The following TUSC3 variants were observed in gnomAD, a reference collection of about 807,000 sequenced individuals.
TUSC3 encodes the protein tumor suppressor candidate 3.
Under a neutral mutation model 44.8 loss-of-function variants are expected in TUSC3, and 45 were observed. The observed-to-expected ratio is 1.00, with a 90% CI of 0.79 to 1.29. TUSC3 has a LOEUF of 1.29. TUSC3 is among the 50% of genes most tolerant of loss of function. The pLI is 0.00. For missense variants in TUSC3, 519 were observed against 437.9 expected (o/e 1.19, Z -1.65); for synonymous variants, 212 against 152.9 (o/e 1.39, Z -2.85).
the TUSC3 span, among the ~76,000 whole-genome samples, chr8:15,822,171 A>G: frequency 3.3e-5 from 5 of 149,554 alleles, no homozygotes; most frequent in African/African-American, 1.3e-4. Context: ...TGAAATTGAA[A>G]ACGCTACAAA....
intron 6 of TUSC3, among the ~76,000 whole-genome samples, chr8:15,708,280 A>G (rs1388958687): frequency 6.6e-6 from 1 of 151,992 alleles, no homozygotes; most frequent in African/African-American, 2.4e-5. Flanking sequence ...GTGTGGAGGA[A>G]TACTGAGAAA....
the TUSC3 span, chr8:15,806,586 A>G: frequency 6.8e-7 from 1 of 1,470,758 alleles, no homozygotes; most frequent in Non-Finnish European, 9.5e-7. Flanking sequence ...ATACTATCAC[A>G]TGCAAGGATA....
At chr8:15,719,222 CT>C (rs1810194863) in intron 6 of TUSC3, among the ~76,000 whole-genome samples, 1 of 152,086 alleles carries the variant, frequency 6.6e-6, no homozygotes, top group Non-Finnish European at 1.5e-5. Flanking sequence ...CATTGACCCT[CT>C]TACATTTCCT....
chr8:15,678,670 T>C (rs1305414316), intron 6 of TUSC3, among the ~76,000 whole-genome samples: 1 of 152,204 alleles, frequency 6.6e-6, no homozygotes, highest in African/African-American at 2.4e-5. Context: ...TTTAAATTGA[T>C]GGAGTACATG....
chr8:15,810,099 G>A, the TUSC3 span, among the ~76,000 whole-genome samples: 1 of 152,114 alleles, frequency 6.6e-6, no homozygotes, highest in Non-Finnish European at 1.5e-5. Context: ...GGTTCTCATA[G>A]TGTGTCCTTG....
chr8:15,499,622 T>C (rs1232368525), intron 2 of TUSC3, among the ~76,000 whole-genome samples: 2 of 152,228 alleles, frequency 1.3e-5, no homozygotes, highest in Admixed American at 6.5e-5. Context: ...GTTAATTTTA[T>C]GTGTCAACTT....
intron 7 of TUSC3, among the ~76,000 whole-genome samples, chr8:15,730,964 AG>A (rs1185462100): frequency 6.6e-6 from 1 of 152,054 alleles, no homozygotes; most frequent in African/African-American, 2.4e-5. Context: ...TGAATTTCAG[AG>A]TATTACTTTT....
rs188876985 is a variant in TUSC3, at chr8:15,460,984, T to C, written n.92-22402T>C. On this transcript the variant is annotated intron_variant and non_coding_transcript_variant, in intron 1 of 5. Coordinates refer to the TUSC3 transcript ENST00000503191. ...TGTGATGCCTCCAGATTTATTCTTT[T>C]TGCTTAGTTTTGCTTTGGCTGTGCA... Among the ~76,000 whole-genome samples, 4 of 152,336 alleles carry C rather than the reference T, an allele frequency of 2.6e-5. No homozygotes were observed. In the East Asian group the frequency reaches 7.7e-4, roughly 29 times the overall value.
chr8:15,648,825 C>T (rs565368318), intron 2 of TUSC3, among the ~76,000 whole-genome samples: 9 of 146,982 alleles, frequency 6.1e-5, no homozygotes, highest in Middle Eastern at 7.1e-3. Context: ...CCTTTAAACC[C>T]GGTGTTTCTC....
chr8:15,732,502 A>G (rs352750), intron 7 of TUSC3, among the ~76,000 whole-genome samples: 76,606 of 151,916 alleles, frequency 0.5, 20,992 homozygotes, highest in Non-Finnish European at 0.6. Context: ...AAGCTCATGT[A>G]TATCTTTATT....
intron 2 of TUSC3, among the ~76,000 whole-genome samples, chr8:15,644,994 G>C (rs568004502): frequency 4.1e-4 from 63 of 152,178 alleles, no homozygotes; most frequent in African/African-American, 1.5e-3. Flanking sequence ...TGGCTTGCCA[G>C]GTTGCAATGG....
chr8:15,795,137 A>G, the TUSC3 span, among the ~76,000 whole-genome samples: 3 of 152,136 alleles, frequency 2.0e-5, no homozygotes, highest in African/African-American at 4.8e-5. Context: ...AGTGACCTCA[A>G]TCATGGCTCC....
At chr8:15,728,561 A>C (rs375694577) in intron 6 of TUSC3, among the ~76,000 whole-genome samples, 1 of 152,296 alleles carries the variant, frequency 6.6e-6, no homozygotes, top group East Asian at 1.9e-4. Flanking sequence ...ATTTTTGCCT[A>C]AACAACTGGA....
At chr8:15,748,350 A>G (rs1454144741) in intron 8 of TUSC3, 25 bp from the exon 9 acceptor site, 1 of 1,551,512 alleles carries the variant, frequency 6.4e-7, no homozygotes. Flanking sequence ...TTTAGACACT[A>G]ATGGTATTTT....
At position 15,654,117 on chromosome 8, in the gene TUSC3, A is replaced by T. The variant is rs1010720196; in HGVS notation, c.426+3303A>T. Among the ~76,000 whole-genome samples, 5 of 152,314 alleles carry T rather than the reference A, an allele frequency of 3.3e-5. No homozygotes were observed. The South Asian group carries it at 6.2e-4, about 19-fold the overall frequency. ...TAATTAAGAAAAAAGACTGAATTCT[A>T]TGAGTTTTTAAGAACCTCTAAAGTT... On this transcript the variant is annotated intron_variant, in intron 3 of 10. Coordinates refer to ENST00000503731, the MANE Select transcript of TUSC3 (RefSeq NM_006765.4).
chr8:15,457,758 GATAAATTAGATAATCTA>G (rs974602685), intron 1 of TUSC3, among the ~76,000 whole-genome samples: 5 of 146,058 alleles, frequency 3.4e-5, no homozygotes, highest in East Asian at 2.0e-4. Flanking sequence ...AAATAAAATA[GATAAATTAGATAATCTA>G]ATAAATTAGA....
intron 2 of TUSC3, 31 bp downstream of exon 2, chr8:15,623,280 C>G: frequency 1.3e-6 from 2 of 1,542,874 alleles, no homozygotes; most frequent in Non-Finnish European, 1.7e-6. Flanking sequence ...ATATTAAAAA[C>G]TATTATTCTT....
the TUSC3 span, among the ~76,000 whole-genome samples, chr8:15,831,276 G>T: frequency 1.3e-5 from 2 of 151,908 alleles, no homozygotes; most frequent in African/African-American, 4.8e-5. Flanking sequence ...CAACAAATAG[G>T]ATAAAAGAAA....
intron 1 of TUSC3, among the ~76,000 whole-genome samples, chr8:15,423,469 G>A (rs564269050): frequency 2.0e-5 from 3 of 152,152 alleles, no homozygotes; most frequent in Non-Finnish European, 2.9e-5. Context: ...ATCAGGAAAT[G>A]CACCCAGGGG....
Sources: gnomAD v4.1 joint callset for allele counts (sites outside exome capture counted in the v4.1 genomes callset) on GRCh38, gnomAD v4.1.1 for gene constraint, MANE v1.5 for transcripts, NCBI Gene and HGNC (gene_info 2026-07-23, HGNC 2026-07-21) for gene names.